RGS6: variants seen among roughly 807,000 people sequenced by gnomAD.
RGS6 encodes the protein regulator of G-protein signaling 6.
In RGS6, 30 loss-of-function variants were observed where a neutral mutation model predicts 78.5. That is an observed-to-expected ratio of 0.38 (90% CI 0.29 to 0.52). RGS6 has a LOEUF of 0.52. Among genes scored for constraint, RGS6 ranks in the 20% least tolerant of loss-of-function variants. The probability of loss-of-function intolerance (pLI) is 0.85; values close to 1 mark genes in which losing one functional copy is unlikely to be tolerated. For missense variants in RGS6, 495 were observed against 609.7 expected (o/e 0.81, Z 1.98); for synonymous variants, 206 against 206.0 (o/e 1.00, Z 0.00).
chr14:72,133,950 G>A (rs751220014), intron 2 of RGS6, among the ~76,000 whole-genome samples: 8 of 152,158 alleles, frequency 5.3e-5, no homozygotes, highest in Non-Finnish European at 1.2e-4. Context: ...CTCCATGGAA[G>A]ATCATAATAC....
intron 2 of RGS6, among the ~76,000 whole-genome samples, chr14:71,966,637 T>C (rs1425242124): frequency 3.3e-5 from 5 of 151,804 alleles, no homozygotes; most frequent in African/African-American, 7.3e-5. Flanking sequence ...TTTTCATCTG[T>C]AAAAAGAAAA....
At chr14:72,104,527 TAGC>T (rs994154342) in intron 2 of RGS6, among the ~76,000 whole-genome samples, 1 of 152,202 alleles carries the variant, frequency 6.6e-6, no homozygotes. Context: ...AATTTCAAAA[TAGC>T]AGCATTAACC....
chr14:72,627,799 A>T, the RGS6 span, among the ~76,000 whole-genome samples: 1 of 152,052 alleles, frequency 6.6e-6, no homozygotes, highest in African/African-American at 2.4e-5. Flanking sequence ...ATGCCTTTCA[A>T]TTTGTTCTTT....
rs755478905 is a variant in RGS6 at position 72,134,121 on chromosome 14, A to G, written c.84+169246A>G. 5.3e-5 allele frequency among the ~76,000 whole-genome samples: 8 copies of G among 152,232 alleles called. No individual in the cohort carries two copies. In the South Asian group the frequency reaches 1.7e-3, roughly 32 times the overall value. ...CATTCCTCTTCATTTATTTCTAGCC[A>G]CTTGCCTCAACCCCCTCGAGTTTAA... On this transcript the variant is annotated intron_variant, in intron 2 of 17. Coordinates refer to ENST00000553525, the MANE Select transcript of RGS6 (RefSeq NM_001204424.2).
chr14:72,492,337 G>C (rs906826183), intron 12 of RGS6, among the ~76,000 whole-genome samples: 1 of 152,158 alleles, frequency 6.6e-6, no homozygotes, highest in Non-Finnish European at 1.5e-5. Context: ...AACAGACTGA[G>C]GGGAGGAAAC....
chr14:71,955,579 C>T (rs900376443), intron 1 of RGS6, among the ~76,000 whole-genome samples: 7 of 152,080 alleles, frequency 4.6e-5, no homozygotes, highest in African/African-American at 1.4e-4. Context: ...CTTTTTAGGC[C>T]ATATAGGGTA....
At chr14:71,956,010 C>T (rs2092759834) in intron 1 of RGS6, among the ~76,000 whole-genome samples, 1 of 152,136 alleles carries the variant, frequency 6.6e-6, no homozygotes, top group Admixed American at 6.6e-5. Context: ...GAAGTGAGCT[C>T]ATCAGCTAAG....
intron 2 of RGS6, among the ~76,000 whole-genome samples, chr14:72,276,868 G>GA (rs373181749): frequency 0.043 from 6,158 of 143,272 alleles, 363 homozygotes; most frequent in African/African-American, 0.14. Context: ...ATACAATATT[G>GA]AAAAAAAAAA....
chr14:71,956,329 TAGTG>T (rs1566905706), intron 1 of RGS6, among the ~76,000 whole-genome samples: 1 of 84,720 alleles, frequency 1.2e-5, no homozygotes, highest in Non-Finnish European at 2.2e-5. Context: ...ACAGAACTAA[TAGTG>T]TGTGTGTGTG....
chr14:71,974,146 A>G (rs902257504), intron 2 of RGS6, among the ~76,000 whole-genome samples: 3 of 152,136 alleles, frequency 2.0e-5, no homozygotes, highest in Admixed American at 6.6e-5. Flanking sequence ...GTATTCTTAC[A>G]CTGTGGAGAA....
intron 3 of RGS6, among the ~76,000 whole-genome samples, chr14:72,360,529 CAAACA>C (rs1195307573): frequency 6.6e-6 from 1 of 150,626 alleles, no homozygotes; most frequent in Non-Finnish European, 1.5e-5. Flanking sequence ...CTCAAACAAA[CAAACA>C]AAACAAAACA....
intron 9 of RGS6, among the ~76,000 whole-genome samples, chr14:72,473,200 T>C (rs1368474979): frequency 6.6e-6 from 1 of 152,192 alleles, no homozygotes; most frequent in Non-Finnish European, 1.5e-5. Context: ...TCCCAGCGCT[T>C]TGGGAGGCCG....
downstream of RGS6, among the ~76,000 whole-genome samples, chr14:72,569,862 CAG>C (rs1275997472): frequency 2.0e-4 from 30 of 152,196 alleles, no homozygotes; most frequent in Admixed American, 2.0e-3. Context: ...GTGGGAAGAG[CAG>C]AGAGAGTTGG....
intron 2 of RGS6, among the ~76,000 whole-genome samples, chr14:72,279,804 AT>A (rs1246514227): frequency 6.6e-6 from 1 of 152,192 alleles, no homozygotes; most frequent in African/African-American, 2.4e-5. Context: ...AGATGCCTTT[AT>A]TAAGTATAGG....
At chr14:72,533,657 G>T (rs2153491875) in intron 15 of RGS6, among the ~76,000 whole-genome samples, 1 of 152,350 alleles carries the variant, frequency 6.6e-6, no homozygotes, top group Middle Eastern at 3.4e-3. Flanking sequence ...ACATTAATGG[G>T]AGTTTGGAAG....
chr14:72,364,863 G>A (rs2082171177), intron 3 of RGS6, among the ~76,000 whole-genome samples: 3 of 152,186 alleles, frequency 2.0e-5, no homozygotes, highest in African/African-American at 2.4e-5. Flanking sequence ...GCATGTCCCA[G>A]TGCATCCAAG....
chr14:72,071,882 C>G (rs991228548), intron 2 of RGS6, among the ~76,000 whole-genome samples: 8 of 152,222 alleles, frequency 5.3e-5, no homozygotes, highest in Non-Finnish European at 1.0e-4. Flanking sequence ...ATAGCAATCT[C>G]TGTGTTATAG....
At chr14:72,274,301 A>T (rs1392430711) in intron 2 of RGS6, among the ~76,000 whole-genome samples, 1 of 152,146 alleles carries the variant, frequency 6.6e-6, no homozygotes, top group East Asian at 1.9e-4. Context: ...GTCTGGTGGG[A>T]TTGGAACTCA....
Position 72,039,499 on chromosome 14 carries a change from G to A in RGS6, c.84+74624G>A, listed in dbSNP as rs541961392. 6.6e-5 allele frequency among the ~76,000 whole-genome samples: 10 copies of A among 152,070 alleles called. No homozygotes were observed. In the South Asian group the frequency reaches 1.9e-3, roughly 28 times the overall value. Reference sequence around the variant, plus strand: ...CTTAAAATCTATTTGTCTAATATTGGTATAGCTACCTCTGTTCTCTTTTGG... The same window carrying A: ...CTTAAAATCTATTTGTCTAATATTGATATAGCTACCTCTGTTCTCTTTTGG... On this transcript the variant is annotated intron_variant, in intron 2 of 17. Transcript: ENST00000553525.
Sources: allele counts gnomAD v4.1 joint callset (sites outside exome capture counted in the v4.1 genomes callset), GRCh38; gene constraint gnomAD v4.1.1; transcripts MANE v1.5; gene names NCBI Gene and HGNC (gene_info 2026-07-23, HGNC 2026-07-21).